Variants in POFUT3 observed in about 807,000 individuals in gnomAD.
The protein encoded by POFUT3 is GDP-fucose protein O-fucosyltransferase 3.
the POFUT3 span, among the ~76,000 whole-genome samples, chr8:33,319,896 C>G: frequency 1.4e-5 from 2 of 147,810 alleles, no homozygotes; most frequent in Non-Finnish European, 3.0e-5. Context: ...TGCACCTGGA[C>G]TTGAGTTACT....
the POFUT3 span, among the ~76,000 whole-genome samples, chr8:33,362,594 CA>C: frequency 4.9e-4 from 66 of 133,354 alleles, no homozygotes; most frequent in South Asian, 7.3e-4. Context: ...AAATGGAAAG[CA>C]AAAAAAAAAA....
the POFUT3 span, among the ~76,000 whole-genome samples, chr8:33,336,864 G>A: frequency 1.3e-5 from 2 of 152,232 alleles, no homozygotes; most frequent in African/African-American, 4.8e-5. Flanking sequence ...TACCAAAAGG[G>A]GAGAGACAGG....
chr8:33,320,011 A>T, the POFUT3 span, among the ~76,000 whole-genome samples: 19 of 151,554 alleles, frequency 1.3e-4, no homozygotes, highest in African/African-American at 4.6e-4. Context: ...AGACTATACC[A>T]TCCTCTGCTT....
chr8:33,452,051 A>G, the POFUT3 span: 1 of 151,814 alleles, frequency 6.6e-6, no homozygotes, highest in Admixed American at 6.6e-5. Context: ...CCATATCAGT[A>G]TATACGTGTG....
At chr8:33,374,869 TTTTCTTTTC>T in the POFUT3 span, among the ~76,000 whole-genome samples, 2 of 140,900 alleles carry the variant, frequency 1.4e-5, no homozygotes, top group South Asian at 2.9e-4. Flanking sequence ...CTTTTTTTTC[TTTTCTTTTC>T]TTTTTTTTTT....
the POFUT3 span, among the ~76,000 whole-genome samples, chr8:33,364,649 G>T: frequency 6.6e-6 from 1 of 152,094 alleles, no homozygotes; most frequent in African/African-American, 2.4e-5. Context: ...AATCATGAGT[G>T]AACTCCCATT....
chr8:33,448,186 A>T, the POFUT3 span, among the ~76,000 whole-genome samples: 83,964 of 150,546 alleles, frequency 0.56, 23,619 homozygotes, highest in African/African-American at 0.63. Context: ...ACAAAAAAAA[A>T]TTTTTTTTTA....
chr8:33,320,693 A>C, the POFUT3 span, among the ~76,000 whole-genome samples: 1 of 152,108 alleles, frequency 6.6e-6, no homozygotes, highest in African/African-American at 2.4e-5. Context: ...GTTGATGTCA[A>C]TTAAAGACTG....
At chr8:33,378,748 C>T in the POFUT3 span, among the ~76,000 whole-genome samples, 3 of 152,256 alleles carry the variant, frequency 2.0e-5, no homozygotes, top group South Asian at 6.2e-4. Context: ...ACACCCCAGG[C>T]CCCACTTTAA....
chr8:33,412,673 G>A, the POFUT3 span, among the ~76,000 whole-genome samples: 1 of 152,172 alleles, frequency 6.6e-6, no homozygotes, highest in Non-Finnish European at 1.5e-5. Flanking sequence ...TGTTGCCCAG[G>A]CTGGAGTGCA....
At chr8:33,396,402 T>A in the POFUT3 span, among the ~76,000 whole-genome samples, 1 of 152,170 alleles carries the variant, frequency 6.6e-6, no homozygotes, top group Non-Finnish European at 1.5e-5. Flanking sequence ...AATACAGAGG[T>A]CCATTTCAAA....
At chr8:33,432,135 C>T in the POFUT3 span, among the ~76,000 whole-genome samples, 8 of 152,170 alleles carry the variant, frequency 5.3e-5, no homozygotes, top group Non-Finnish European at 1.2e-4. Flanking sequence ...TACAGCCAGG[C>T]ACGGTGGCTC....
chr8:33,339,821 C>A, the POFUT3 span, among the ~76,000 whole-genome samples: 1 of 152,054 alleles, frequency 6.6e-6, no homozygotes, highest in Non-Finnish European at 1.5e-5. Context: ...CTATATCCAA[C>A]AAAAATATTC....
At chr8:33,410,911 C>A in the POFUT3 span, among the ~76,000 whole-genome samples, 1 of 152,136 alleles carries the variant, frequency 6.6e-6, no homozygotes, top group Non-Finnish European at 1.5e-5. Context: ...CCAGGCCAGA[C>A]CCTCCAGGCA....
the POFUT3 span, among the ~76,000 whole-genome samples, chr8:33,370,570 A>C: frequency 6.6e-6 from 1 of 152,220 alleles, no homozygotes; most frequent in African/African-American, 2.4e-5. Flanking sequence ...ATTTTATTTC[A>C]CTAAATTTGT....
chr8:33,331,139 G>T, the POFUT3 span, among the ~76,000 whole-genome samples: 4 of 151,718 alleles, frequency 2.6e-5, no homozygotes, highest in East Asian at 7.9e-4. Flanking sequence ...CAGGAGTTTC[G>T]AGACCAGCCT....
At chr8:33,434,595 C>A in the POFUT3 span, among the ~76,000 whole-genome samples, 1 of 152,074 alleles carries the variant, frequency 6.6e-6, no homozygotes, top group East Asian at 1.9e-4. Context: ...CTTTTTTCCC[C>A]TTCCCATGAT....
At chr8:33,393,813 AG>A in the POFUT3 span, among the ~76,000 whole-genome samples, 1 of 152,242 alleles carries the variant, frequency 6.6e-6, no homozygotes, top group African/African-American at 2.4e-5. Flanking sequence ...AGCCAGCTTT[AG>A]CACACGAATG....
chr8:33,414,183 A>G, the POFUT3 span, among the ~76,000 whole-genome samples: 5 of 152,154 alleles, frequency 3.3e-5, no homozygotes, highest in African/African-American at 1.2e-4. Context: ...TTAAAAGTCC[A>G]TTACCAAGCC....
Sources: gnomAD v4.1 joint callset for allele counts (sites outside exome capture counted in the v4.1 genomes callset) on GRCh38, gnomAD v4.1.1 for gene constraint, MANE v1.5 for transcripts, NCBI Gene and HGNC (gene_info 2026-07-23, HGNC 2026-07-21) for gene names.